ZNF175: variants seen among roughly 807,000 people sequenced by gnomAD.
The protein encoded by ZNF175 is zinc finger protein OTK18.
In ZNF175, 8 loss-of-function variants were observed where a neutral mutation model predicts 14.0. The ratio of observed to expected loss-of-function variants is 0.57; its 90% CI spans 0.34 to 1.03. ZNF175 has a LOEUF of 1.03. Among genes scored for constraint, ZNF175 ranks in the 50% least tolerant of loss-of-function variants. The pLI is 0.03. For synonymous variants in ZNF175, 255 were observed against 296.8 expected, an observed-to-expected ratio of 0.86 and a Z score of 1.45; for missense variants, 764 against 849.5, an observed-to-expected ratio of 0.90 and a Z score of 1.25.
chr19:51,579,029 C>T (rs1001476059), intron 2 of ZNF175, among the ~76,000 whole-genome samples: 12 of 152,038 alleles, frequency 7.9e-5, no homozygotes, highest in Admixed American at 1.3e-4. Flanking sequence ...AGAGATGGGC[C>T]GATCACTTGA....
chr19:51,574,287 A>G (rs1981696994), intron 2 of ZNF175: 1 of 147,504 alleles, frequency 6.8e-6, no homozygotes, highest in Non-Finnish European at 1.5e-5. Context: ...AATAGAAAGT[A>G]TTAAAAGAAG....
intron 2 of ZNF175, 100 bp from the exon 3 acceptor site, chr19:51,581,291 A>T: frequency 1.3e-6 from 2 of 1,557,848 alleles, no homozygotes; most frequent in Non-Finnish European, 1.8e-6. Context: ...TCTGTGATGG[A>T]TCGTGGTGAA....
At chr19:51,582,096 G>A (rs1219466186) in intron 4 of ZNF175, among the ~76,000 whole-genome samples, 2 of 152,164 alleles carry the variant, frequency 1.3e-5, no homozygotes, top group African/African-American at 4.8e-5. Context: ...TCAGGAATGG[G>A]ATTGCCTGGT....
Position 51,589,756 on chromosome 19 carries a change from T to G in ZNF175, c.*1289T>G. On this transcript the variant is annotated 3_prime_UTR_variant, in exon 5 of 5. Coordinates refer to ENST00000262259, the MANE Select transcript of ZNF175 (RefSeq NM_007147.4). The stretch of plus-strand genomic sequence containing the variant: ...CATTTGGACATGTATTGTCTGGGCT[T>G]CTTTTGTGCTGCACTGGCAGAATTG... 7 of 586,818 alleles carry G rather than the reference T, an allele frequency of 1.2e-5. No homozygotes were observed. The South Asian group carries it at 1.3e-4, about 11-fold the overall frequency. The allele number at this position is 586,818 out of a possible 1,614,324, so 36.4% of individuals were successfully genotyped here. A position where few individuals can be genotyped will look rare whatever the true frequency, so the allele number is the denominator to read the frequency against.
At position 51,588,337 on chromosome 19, in the gene ZNF175, G is replaced by A; in HGVS notation, c.2006G>A (p.Arg669Lys). The A allele has an allele frequency of 6.2e-7, 1 of 1,613,934 alleles. No individual in the cohort carries two copies. Among genetic ancestry groups the A allele is most frequent in the Non-Finnish European group, 8.5e-7 (1 of 1,179,988 alleles). The change falls in exon 5 of 5, where the codon AGA (arginine) becomes AAA (lysine). Residue 669 changes from arginine (R) to lysine (K), a missense_variant. By Grantham distance (26) the Arg-to-Lys change is conservative. Coordinates refer to ENST00000262259, the MANE Select transcript of ZNF175 (RefSeq NM_007147.4). ...CATCAGCGAATTCACACGGGAGAAA[G>A]ACCTTATGTGTGTTCTGAATGTGGA... Reference protein sequence around the residue: ...KVHQRIHTGERPYVCSECGKA... With the variant: ...KVHQRIHTGEKPYVCSECGKA...
At position 51,590,655 on chromosome 19, in the gene ZNF175, T is replaced by C. The variant is rs1377868930; in HGVS notation, c.*2188T>C. Reference sequence around the variant, plus strand: ...GGCCCTGGAGAGCAAATCTGTTCTGTGTCTCACTGGCCTCTCCCTGTCCAG... The same window carrying C: ...GGCCCTGGAGAGCAAATCTGTTCTGCGTCTCACTGGCCTCTCCCTGTCCAG... On this transcript the variant is annotated 3_prime_UTR_variant, in exon 5 of 5. Transcript: ENST00000262259. 1 of 152,356 alleles carries C rather than the reference T, an allele frequency of 6.6e-6. No individual in the cohort carries two copies. The highest frequency in any genetic ancestry group is 2.4e-5 in the African/African-American group (1 of 41,414). The allele number at this position is 152,356 out of a possible 1,614,324, so 9.4% of individuals were successfully genotyped here. A position where few individuals can be genotyped will look rare whatever the true frequency, so the allele number is the denominator to read the frequency against.
In ZNF175 at chr19:51,587,915, A is replaced by G; in HGVS notation, c.1584A>G (p.Glu528=). 6.2e-7 allele frequency: 1 copy of G among 1,614,126 alleles called. No individual in the cohort carries two copies. The highest frequency in any genetic ancestry group is 1.3e-5 in the African/African-American group (1 of 75,042). The change falls in exon 5 of 5, where the codon GAA becomes GAG. Residue 528 remains glutamate, a synonymous_variant. Coordinates refer to ENST00000262259, the MANE Select transcript of ZNF175 (RefSeq NM_007147.4). ...TACACCAGAAAATTCATACTGGAGA[A>G]AGACACCATGTATGCAGTGAATGCG... is the stretch of plus-strand genomic sequence containing the variant. The part of the protein sequence containing the change: ...LNIHQKIHTG[E]RHHVCSECGK...
chr19:51,577,662 TC>T (rs1398338432), intron 2 of ZNF175, among the ~76,000 whole-genome samples: 2 of 132,228 alleles, frequency 1.5e-5, no homozygotes, highest in African/African-American at 5.6e-5. Flanking sequence ...CCTTTCTCTC[TC>T]TTTTTTTTTT....
intron 4 of ZNF175, among the ~76,000 whole-genome samples, chr19:51,586,022 T>C (rs1375498394): frequency 6.6e-6 from 1 of 152,192 alleles, no homozygotes; most frequent in Non-Finnish European, 1.5e-5. Context: ...CATGTCAAGA[T>C]AGGTGAAGCT....
Position 51,573,228 on chromosome 19 carries a change from C to T in ZNF175, c.-102C>T, listed in dbSNP as rs2305371. The stretch of plus-strand genomic sequence containing the variant: ...TTCATAGCCCAGTACGACTCTCCGC[C>T]GTGTCCCTGGTTGGAAAATCCAAAC... On this transcript the variant is annotated 5_prime_UTR_variant, in exon 2 of 5. Transcript: ENST00000262259. The T allele has an allele frequency of 4.5e-6, 5 of 1,118,080 alleles. No individual in the cohort carries two copies. Among genetic ancestry groups the T allele is most frequent in the Admixed American group, 3.7e-5 (2 of 54,310 alleles). 69.3% of individuals were successfully genotyped at this position (1,118,080 alleles called of 1,614,324 possible). A position where few individuals can be genotyped will look rare whatever the true frequency, so the allele number is the denominator to read the frequency against.
rs751488048 is a variant in ZNF175, at chr19:51,588,427, A to T, written c.2096A>T (p.Tyr699Phe). ...HQTTHTRDKSYKCSYSVKGFT... is the reference protein window; with the variant it reads ...HQTTHTRDKSFKCSYSVKGFT... ...ACAACTCATACCAGAGACAAATCTT[A>T]CAAATGCAGTTATTCTGTGAAAGGC... Residue 699 changes from tyrosine to phenylalanine, a missense_variant, in exon 5 of 5, where the codon TAC (tyrosine) becomes TTC (phenylalanine). Coordinates refer to ENST00000262259, the MANE Select transcript of ZNF175 (RefSeq NM_007147.4). 6.3e-7 allele frequency: 1 copy of T among 1,589,612 alleles called. No homozygotes were observed. Among genetic ancestry groups the T allele is most frequent in the East Asian group, 2.2e-5 (1 of 44,728 alleles).
In ZNF175 at chr19:51,590,296, AGAT is replaced by A. The variant is rs1329806401; in HGVS notation, c.*1836_*1838del. 1 of 152,332 alleles carries A rather than the reference AGAT, an allele frequency of 6.6e-6. No homozygotes were observed. Among genetic ancestry groups the A allele is most frequent in the East Asian group, 1.9e-4 (1 of 5,180 alleles). 9.4% of individuals were successfully genotyped at this position (152,332 alleles called of 1,614,324 possible). ...TCTGGTTTTCTCATCTACAAAAGGG[AGAT>A]GATGATAGTACCCTACCCCCATGCA... On this transcript the variant is annotated 3_prime_UTR_variant, in exon 5 of 5. Transcript: ENST00000262259.
chr19:51,581,947 C>A, intron 4 of ZNF175, 65 bp downstream of exon 4: 6 of 1,451,494 alleles, frequency 4.1e-6, no homozygotes, highest in Non-Finnish European at 5.7e-6. Flanking sequence ...GTCTACCATA[C>A]TTTTCTATTC....
intron 1 of ZNF175, 63 bp downstream of exon 1, chr19:51,571,538 TG>T (rs1323059968): frequency 6.6e-6 from 1 of 152,380 alleles, no homozygotes; most frequent in East Asian, 1.9e-4. Context: ...ATGGGTGCTG[TG>T]GGGTAAGTGG....
chr19:51,579,869 A>T (rs577026649), intron 2 of ZNF175, among the ~76,000 whole-genome samples: 59 of 152,240 alleles, frequency 3.9e-4, no homozygotes, highest in African/African-American at 1.3e-3. Context: ...GTTCACCCTG[A>T]GATGTGCTTG....
chr19:51,575,208 GGTTTTTTT>G (rs1264676057), intron 2 of ZNF175, among the ~76,000 whole-genome samples: 1 of 99,202 alleles, frequency 1.0e-5, no homozygotes, highest in Non-Finnish European at 1.9e-5. Context: ...TTTTTAGAGA[GGTTTTTTT>G]TTTTTTTTTT....
intron 1 of ZNF175, among the ~76,000 whole-genome samples, chr19:51,571,780 G>A (rs1281416486): frequency 6.6e-6 from 1 of 152,180 alleles, no homozygotes; most frequent in Non-Finnish European, 1.5e-5. Context: ...GTGGGACTAG[G>A]GGAGTCAGTG....
In ZNF175 at chr19:51,573,202, C is replaced by G. The variant is rs1257772292; in HGVS notation, c.-128C>G. 4 of 870,590 alleles carry G rather than the reference C, an allele frequency of 4.6e-6. No homozygotes were observed. Among genetic ancestry groups the G allele is most frequent in the Admixed American group, 4.4e-5 (2 of 45,298 alleles). 53.9% of individuals were successfully genotyped at this position (870,590 alleles called of 1,614,324 possible). On this transcript the variant is annotated 5_prime_UTR_variant, in exon 2 of 5. Coordinates refer to ENST00000262259, the MANE Select transcript of ZNF175 (RefSeq NM_007147.4). ...ACATCATTGAGGCTGCAGGATCTCT[C>G]TTCATAGCCCAGTACGACTCTCCGC...
At chr19:51,578,269 G>A (rs74539314) in intron 2 of ZNF175, among the ~76,000 whole-genome samples, 11,110 of 151,648 alleles carry the variant, frequency 0.073, 1,070 homozygotes, top group East Asian at 0.52. Flanking sequence ...GCATGGTGGC[G>A]GGTGCCTGTA....
Sources: gnomAD v4.1 joint callset for allele counts (sites outside exome capture counted in the v4.1 genomes callset) on GRCh38, gnomAD v4.1.1 for gene constraint, MANE v1.5 for transcripts, NCBI Gene and HGNC (gene_info 2026-07-23, HGNC 2026-07-21) for gene names.